The following PCDHA10 variants were observed in gnomAD, a reference collection of about 807,000 sequenced individuals.
PCDHA10 encodes protocadherin alpha 10.
Under a neutral mutation model 61.2 loss-of-function variants are expected in PCDHA10, and 45 were observed. The ratio of observed to expected loss-of-function variants is 0.74; its 90% CI spans 0.58 to 0.94. PCDHA10 has a LOEUF of 0.94. Among genes scored for constraint, PCDHA10 ranks in the 40% least tolerant of loss-of-function variants. The probability of loss-of-function intolerance (pLI) is 0.00; values close to 1 mark genes in which losing one functional copy is unlikely to be tolerated. For missense variants in PCDHA10, 1,278 were observed against 1,236.2 expected, an observed-to-expected ratio of 1.03 and a Z score of -0.51; for synonymous variants, 602 against 548.8, an observed-to-expected ratio of 1.10 and a Z score of -1.35.
At chr5:140,879,136 T>C (rs1225791251) in intron 1 of PCDHA10, among the ~76,000 whole-genome samples, 4 of 152,206 alleles carry the variant, frequency 2.6e-5, no homozygotes, top group Admixed American at 2.6e-4. Flanking sequence ...GGGGAGATTG[T>C]GAAGGCAGGA....
At position 140,856,827 on chromosome 5, in the gene PCDHA10, T is replaced by C. The variant is rs1201833720; in HGVS notation, c.779T>C (p.Val260Ala). 4.4e-6 allele frequency: 7 copies of C among 1,592,096 alleles called. 1 individual carries two copies. The African/African-American group carries it at 5.4e-5, about 12-fold the overall frequency. ...GAAAATCAAGTGAACCAAACATTAG[T>C]AATACGGCTCAACGCTTCTGATTCG... is the stretch of plus-strand genomic sequence containing the variant. ...MYENQVNQTL[V>A]IRLNASDSDE... Residue 260 changes from valine (V) to alanine (A), a missense_variant, in exon 1 of 4, where the codon GTA becomes GCA. Transcript: ENST00000307360.
At chr5:140,934,163 G>A (rs2153618590) in intron 1 of PCDHA10, among the ~76,000 whole-genome samples, 1 of 152,110 alleles carries the variant, frequency 6.6e-6, no homozygotes, top group Non-Finnish European at 1.5e-5. Flanking sequence ...ATTTCAGTGT[G>A]CAACAGAAGT....
intron 3 of PCDHA10, 116 bp from the exon 4 acceptor site, chr5:141,009,511 G>A (rs2098410295): frequency 2.7e-5 from 41 of 1,498,054 alleles, no homozygotes; most frequent in Admixed American, 9.3e-5. Context: ...CAAACAACTC[G>A]TGATTTTTCT....
At chr5:140,869,868 T>A (rs782375084) in intron 1 of PCDHA10, 2 of 1,610,492 alleles carry the variant, frequency 1.2e-6, no homozygotes, top group African/African-American at 2.7e-5. Context: ...TGGAAAATGC[T>A]GCTAAAGAAA....
At chr5:140,980,278 GA>G (rs1351425532) in intron 2 of PCDHA10, among the ~76,000 whole-genome samples, 1 of 152,166 alleles carries the variant, frequency 6.6e-6, no homozygotes, top group Non-Finnish European at 1.5e-5. Flanking sequence ...ACCAACTCTT[GA>G]AAAGTACCAA....
chr5:140,882,364 C>G (rs1582611912), intron 1 of PCDHA10: 13 of 1,614,244 alleles, frequency 8.1e-6, no homozygotes, highest in Non-Finnish European at 1.1e-5. Flanking sequence ...GCCAGCTCCA[C>G]TACTCCGTCC....
rs2066634766 is a variant in PCDHA10, at chr5:140,898,278, G to A, written c.2388+39842G>A. The stretch of plus-strand genomic sequence containing the variant: ...AAGTCCTTGCCCATGCCTAAGTTCT[G>A]AATGGTAATGCCTAGGTTTTCTTCT... On this transcript the variant is annotated intron_variant, in intron 1 of 3. Transcript: ENST00000307360. Among the ~76,000 whole-genome samples, 8 of 152,194 alleles carry A rather than the reference G, an allele frequency of 5.3e-5. No individual in the cohort carries two copies. The South Asian group carries it at 1.7e-3, about 31-fold the overall frequency.
Position 140,870,925 on chromosome 5 carries a change from T to C in PCDHA10, c.2388+12489T>C, listed in dbSNP as rs1554164841. 8 of 1,613,916 alleles carry C rather than the reference T, an allele frequency of 5.0e-6. No homozygotes were observed. In the Admixed American group the frequency reaches 8.3e-5, roughly 17 times the overall value. On this transcript the variant is annotated intron_variant, in intron 1 of 3. Transcript: ENST00000307360. Reference sequence around the variant, plus strand: ...CTCAGGCTACAACGCGTGGCTTTCATATGAATTGCAGCCGGCGGCGGGCGG... The same window carrying C: ...CTCAGGCTACAACGCGTGGCTTTCACATGAATTGCAGCCGGCGGCGGGCGG...
intron 1 of PCDHA10, chr5:140,877,951 G>A (rs1562741853): frequency 7.4e-7 from 1 of 1,344,742 alleles, no homozygotes; most frequent in Non-Finnish European, 9.7e-7. Context: ...ACTATCGAAT[G>A]TCTCATCTTT....
chr5:140,966,578 G>A, intron 1 of PCDHA10: 1 of 527,316 alleles, frequency 1.9e-6, no homozygotes, highest in Non-Finnish European at 3.1e-6. Context: ...GGGAGTCAGC[G>A]AGGACGGTGG....
intron 1 of PCDHA10, chr5:140,929,155 C>G: frequency 6.2e-7 from 1 of 1,614,156 alleles, no homozygotes; most frequent in Non-Finnish European, 8.5e-7. Flanking sequence ...TCAGACTTAT[C>G]TCTATCGGGC....
chr5:140,896,390 C>A, intron 1 of PCDHA10, among the ~76,000 whole-genome samples: 1 of 152,124 alleles, frequency 6.6e-6, no homozygotes, highest in Non-Finnish European at 1.5e-5. Flanking sequence ...ACCTCACCAG[C>A]ATCTGTTATT....
At chr5:140,875,292 T>A in intron 1 of PCDHA10, 1 of 1,401,900 alleles carries the variant, frequency 7.1e-7, no homozygotes, top group Non-Finnish European at 9.3e-7. Flanking sequence ...ACAGGAAAAT[T>A]TTTTTCTCCG....
At chr5:140,976,871 A>G (rs2096735171) in intron 1 of PCDHA10, among the ~76,000 whole-genome samples, 2 of 152,224 alleles carry the variant, frequency 1.3e-5, no homozygotes, top group Non-Finnish European at 2.9e-5. Flanking sequence ...TGTCTGACAA[A>G]GAAAGAATTA....
intron 1 of PCDHA10, chr5:140,877,489 G>A: frequency 6.2e-7 from 1 of 1,613,844 alleles, no homozygotes; most frequent in Non-Finnish European, 8.5e-7. Context: ...GGTGGAGAAC[G>A]GCCAGGCCCC....
At chr5:140,881,042 G>A (rs2058565950) in intron 1 of PCDHA10, among the ~76,000 whole-genome samples, 1 of 152,208 alleles carries the variant, frequency 6.6e-6, no homozygotes, top group Non-Finnish European at 1.5e-5. Context: ...TTCCTATAGA[G>A]TTGTGCACAG....
chr5:140,998,220 C>G (rs1554256199), intron 3 of PCDHA10, among the ~76,000 whole-genome samples: 1 of 152,106 alleles, frequency 6.6e-6, no homozygotes, highest in African/African-American at 2.4e-5. Context: ...ATAACCACAC[C>G]CAGAAATTTG....
chr5:140,964,216 T>C (rs1267795511), intron 1 of PCDHA10, among the ~76,000 whole-genome samples: 1 of 152,214 alleles, frequency 6.6e-6, no homozygotes, highest in Non-Finnish European at 1.5e-5. Context: ...TAGTACAATG[T>C]CTTTCAAAAT....
At chr5:140,870,482 C>T in intron 1 of PCDHA10, 1 of 1,614,244 alleles carries the variant, frequency 6.2e-7, no homozygotes, top group South Asian at 1.1e-5. Flanking sequence ...CCCGAGTACA[C>T]CGTGTTCGTG....
Sources: gnomAD v4.1 joint callset for allele counts (sites outside exome capture counted in the v4.1 genomes callset) on GRCh38, gnomAD v4.1.1 for gene constraint, MANE v1.5 for transcripts, NCBI Gene and HGNC (gene_info 2026-07-23, HGNC 2026-07-21) for gene names.